The following NBPF10 variants were observed in gnomAD, a reference collection of about 807,000 sequenced individuals.
NBPF10 encodes NBPF family member NBPF10.
In NBPF10, 63 loss-of-function variants were observed where a neutral mutation model predicts 77.9. The observed-to-expected ratio is 0.81, with a 90% CI of 0.66 to 1.00. NBPF10 has a LOEUF of 1.00. Ranked by LOEUF, NBPF10 falls within the 50% of genes least tolerant of loss-of-function variation. NBPF10 has a pLI of 0.00. For missense variants in NBPF10, 522 were observed against 679.8 expected, an observed-to-expected ratio of 0.77 and a Z score of 2.58; for synonymous variants, 146 against 264.5, an observed-to-expected ratio of 0.55 and a Z score of 4.35.
intron 13 of NBPF10, among the ~76,000 whole-genome samples, chr1:146,126,610 CACACA>C (rs1658711334): frequency 2.2e-5 from 3 of 138,098 alleles, no homozygotes; most frequent in Non-Finnish European, 3.3e-5. Flanking sequence ...CACACACACA[CACACA>C]CACACACACA....
At chr1:146,126,144 C>G (rs1220298149) in intron 14 of NBPF10, 92 bp downstream of exon 14, 5 of 831,148 alleles carry the variant, frequency 6.0e-6, no homozygotes, top group Admixed American at 1.8e-5. Flanking sequence ...GCAATGACAT[C>G]TCTCAGCTCA....
intron 89 of NBPF10, among the ~76,000 whole-genome samples, chr1:146,066,857 T>A (rs1172460427): frequency 6.6e-6 from 1 of 151,274 alleles, no homozygotes; most frequent in Non-Finnish European, 1.5e-5. Context: ...ACACTCTGAC[T>A]TAGTGCCCTC....
At chr1:146,064,771 C>T (rs1654867824) in exon 90 of NBPF10, 1 of 71,416 alleles carries the variant, frequency 1.4e-5, no homozygotes, top group African/African-American at 5.6e-5. Context: ...TATTATAACA[C>T]TGAATGTAAA....
chr1:146,069,777 C>T, intron 85 of NBPF10, 62 bp from the exon 86 acceptor site: 1 of 583,150 alleles, frequency 1.7e-6, no homozygotes, highest in Non-Finnish European at 3.2e-6. Flanking sequence ...ACAGCCCCAG[C>T]TAGATTTCAT....
chr1:146,066,551 C>A (rs587745352), exon 90 of NBPF10: 5 of 691,802 alleles, frequency 7.2e-6, no homozygotes, highest in African/African-American at 6.7e-5. Flanking sequence ...TCCATCAGCA[C>A]GCCGTTGAGC....
At chr1:146,114,979 C>G (rs1370188528) in intron 28 of NBPF10, among the ~76,000 whole-genome samples, 1 of 85,214 alleles carries the variant, frequency 1.2e-5, no homozygotes, top group African/African-American at 5.1e-5. Flanking sequence ...CTGCCTGGGT[C>G]CAACGTGCTG....
rs1260575428 is a variant in NBPF10 at position 146,140,324 on chromosome 1, C to T, written c.566+160G>A. The stretch of plus-strand genomic sequence containing the variant: ...GACACTTGGCACACATAGAGAAACA[C>T]GACAGCTGCCGCACCCTGTGTCTAA... On this transcript the variant is annotated intron_variant, in intron 4 of 89. Coordinates refer to ENST00000583866, the Ensembl canonical transcript of NBPF10. 7.9e-5 allele frequency among the ~76,000 whole-genome samples: 10 copies of T among 126,806 alleles called. 2 individuals are homozygous for T. Among genetic ancestry groups the T allele is most frequent in the Non-Finnish European group, 1.3e-4 (7 of 54,378 alleles). The allele number at this position is 126,806 out of a possible 152,430, so 83.2% of individuals were successfully genotyped here. A position where few individuals can be genotyped will look rare whatever the true frequency, so the allele number is the denominator to read the frequency against.
At chr1:146,073,588 T>C in intron 80 of NBPF10, 37 bp from the exon 81 acceptor site, 1 of 90,886 alleles carries the variant, frequency 1.1e-5, no homozygotes, top group South Asian at 4.8e-5. Flanking sequence ...CATATTAAGC[T>C]GGTTCTCCTA....
At chr1:146,127,107 T>A (rs781992191) in intron 12 of NBPF10, 28 bp from the exon 13 acceptor site, 1 of 472,508 alleles carries the variant, frequency 2.1e-6, no homozygotes, top group East Asian at 3.1e-5. Context: ...TGTGCCCTCT[T>A]ACATTAAGTT....
intron 88 of NBPF10, among the ~76,000 whole-genome samples, chr1:146,067,528 C>A (rs1242093920): frequency 2.0e-5 from 3 of 148,998 alleles, no homozygotes; most frequent in East Asian, 4.0e-4. Context: ...ATCATTTGTC[C>A]CAAGTTTGTG....
chr1:146,128,006 C>A, intron 12 of NBPF10, 113 bp downstream of exon 12: 2 of 1,472,426 alleles, frequency 1.4e-6, no homozygotes, highest in Non-Finnish European at 1.9e-6. Flanking sequence ...TATATAGGTT[C>A]AGCCCACGGT....
chr1:146,069,366 C>G (rs1345349824), intron 86 of NBPF10, among the ~76,000 whole-genome samples, 177 bp downstream of exon 86: 1 of 91,916 alleles, frequency 1.1e-5, no homozygotes, highest in Non-Finnish European at 2.2e-5. Flanking sequence ...TGCTCACTGA[C>G]CCATCCCTTG....
intron 13 of NBPF10, among the ~76,000 whole-genome samples, chr1:146,126,631 A>ACACACACACACACACACACC (rs1658721905): frequency 6.9e-6 from 1 of 145,316 alleles, no homozygotes. Context: ...ACACACACAC[A>ACACACACACACACACACACC]CACAGAGCGA....
intron 5 of NBPF10, among the ~76,000 whole-genome samples, chr1:146,138,907 G>C (rs1333176753): frequency 7.6e-4 from 98 of 129,650 alleles, no homozygotes; most frequent in Admixed American, 1.1e-3. Flanking sequence ...CCCTCAGCCT[G>C]CCAAGCATCT....
rs1452889832 is a variant in NBPF10 at position 146,142,615 on chromosome 1, C to A, written c.278+35G>T. The A allele has an allele frequency of 1.0e-5, 12 of 1,160,656 alleles. 2 individuals carry two copies. The highest frequency in any genetic ancestry group is 5.4e-4 in the Middle Eastern group (2 of 3,698). 71.9% of individuals were successfully genotyped at this position (1,160,656 alleles called of 1,614,324 possible). A position where few individuals can be genotyped will look rare whatever the true frequency, so the allele number is the denominator to read the frequency against. On this transcript the variant is annotated intron_variant, in intron 2 of 89. Transcript: ENST00000583866. ...TGCTGTACTTCAGAGATCTACACAC[C>A]TACCCGCCTGCCTCCCCCTATGGGG...
intron 13 of NBPF10, 30 bp from the exon 14 acceptor site, chr1:146,126,438 G>T (rs1356396123): frequency 1.1e-6 from 1 of 944,758 alleles, no homozygotes; most frequent in African/African-American, 1.7e-5. Context: ...TAAAGAATAA[G>T]CCAGGGGGAA....
At chr1:146,139,322 G>A (rs1660051733) in intron 5 of NBPF10, among the ~76,000 whole-genome samples, 1 of 151,800 alleles carries the variant, frequency 6.6e-6, no homozygotes, top group African/African-American at 2.4e-5. Context: ...TGTTAGCCAG[G>A]ATGGTCTCAA....
At position 146,066,705 on chromosome 1, in the gene NBPF10, C is replaced by T. The variant is rs1338263302; in HGVS notation, c.11145-144G>A. The T allele has an allele frequency of 8.6e-6, 5 of 578,782 alleles. No individual in the cohort carries two copies. In the Admixed American group the frequency reaches 1.5e-4, roughly 18 times the overall value. 35.9% of individuals were successfully genotyped at this position (578,782 alleles called of 1,614,324 possible). Reference sequence around the variant, plus strand: ...AATGAGGTAAAAAAAAAATTTATTGCCTTTATGTTGGGATAGAACAGGGCC... The same window carrying T: ...AATGAGGTAAAAAAAAAATTTATTGTCTTTATGTTGGGATAGAACAGGGCC... On this transcript the variant is annotated intron_variant, in intron 89 of 89. Coordinates refer to ENST00000583866, the Ensembl canonical transcript of NBPF10.
intron 7 of NBPF10, among the ~76,000 whole-genome samples, chr1:146,135,942 AAAG>A (rs1157009203): frequency 7.4e-5 from 11 of 149,370 alleles, no homozygotes; most frequent in Non-Finnish European, 1.2e-4. Context: ...TGAAAGAAGA[AAAG>A]AAGGACAGGG....
Sources: allele counts gnomAD v4.1 joint callset (sites outside exome capture counted in the v4.1 genomes callset), GRCh38; gene constraint gnomAD v4.1.1; transcripts MANE v1.5; gene names NCBI Gene and HGNC (gene_info 2026-07-23, HGNC 2026-07-21).